Variants in PCDHGA1 observed in about 807,000 individuals in gnomAD.
The protein encoded by PCDHGA1 is protocadherin gamma-A1.
In PCDHGA1, 32 loss-of-function variants were observed where a neutral mutation model predicts 58.0. The ratio of observed to expected loss-of-function variants is 0.55; its 90% confidence interval spans 0.42 to 0.74. The LOEUF (loss-of-function observed/expected upper bound fraction) is 0.74, where lower values mean the gene tolerates loss of function less well. Among genes scored for constraint, PCDHGA1 ranks in the 30% least tolerant of loss-of-function variants. The probability of loss-of-function intolerance (pLI) is 0.00; values close to 1 mark genes in which losing one functional copy is unlikely to be tolerated. For missense variants in PCDHGA1, 1,205 were observed against 1,182.3 expected (o/e 1.02, Z -0.28); for synonymous variants, 498 against 501.1 (o/e 0.99, Z 0.08).
At chr5:141,344,294 G>A (rs769128084) in intron 1 of PCDHGA1, 2 of 1,614,088 alleles carry the variant, frequency 1.2e-6, no homozygotes, top group South Asian at 1.1e-5. Flanking sequence ...TGGTCACCGC[G>A]GAGAGGATAG....
chr5:141,367,849 G>A (rs903459046), intron 1 of PCDHGA1: 3 of 152,008 alleles, frequency 2.0e-5, no homozygotes, highest in Admixed American at 1.3e-4. Flanking sequence ...TGCAATGTTA[G>A]CGTTTCTTTA....
intron 1 of PCDHGA1, chr5:141,370,799 A>G: frequency 6.2e-7 from 1 of 1,614,032 alleles, no homozygotes; most frequent in Non-Finnish European, 8.5e-7. Context: ...CCTTTAGCCA[A>G]AATATCACTG....
chr5:141,332,600 A>G lies in PCDHGA1; in HGVS notation c.1916A>G (p.Lys639Arg), dbSNP rs1165803635. ...ARALLDRDALKQSLVVAVQDH... is the reference protein window; with the variant it reads ...ARALLDRDALRQSLVVAVQDH... ...GCCCTGCTGGACAGAGACGCGCTCA[A>G]GCAGAGTCTCGTGGTGGCCGTCCAG... The change falls in exon 1 of 4, where the codon AAG becomes AGG. Residue 639 changes from lysine (K) to arginine (R), a missense_variant. Lys to Arg is a conservative substitution (Grantham distance 26, BLOSUM62 2). Coordinates refer to ENST00000517417, the MANE Select transcript of PCDHGA1 (RefSeq NM_018912.3). This position sits in a 1 kb window ranked among gnomAD's most constrained non-coding sequence, Gnocchi z 4.6. 1.1e-5 allele frequency: 18 copies of G among 1,612,898 alleles called. No individual in the cohort carries two copies. Among genetic ancestry groups the G allele is most frequent in the Non-Finnish European group, 1.5e-5 (18 of 1,179,860 alleles).
At chr5:141,357,108 C>T (rs1760471015) in intron 1 of PCDHGA1, 15 of 1,613,824 alleles carry the variant, frequency 9.3e-6, no homozygotes, top group Non-Finnish European at 1.3e-5. Flanking sequence ...TGGACAGAGA[C>T]GCGCTCAAGC....
Position 141,477,783 on chromosome 5 carries a change from T to C in PCDHGA1, c.2422-17024T>C. 1 of 1,614,078 alleles carries C rather than the reference T, an allele frequency of 6.2e-7. No individual in the cohort carries two copies. Among genetic ancestry groups the C allele is most frequent in the Non-Finnish European group, 8.5e-7 (1 of 1,180,028 alleles). On this transcript the variant is annotated intron_variant, in intron 1 of 3. Coordinates refer to ENST00000517417, the MANE Select transcript of PCDHGA1 (RefSeq NM_018912.3). The surrounding 1 kb of genome is among the most constrained non-coding windows in gnomAD (Gnocchi z 4.9). ...GCCACCAACATCAGCGTGAACATAT[T>C]TGTCACTGATCGCAATGACAATGCC...
At chr5:141,380,410 C>T (rs1776475585) in intron 1 of PCDHGA1, among the ~76,000 whole-genome samples, 1 of 151,998 alleles carries the variant, frequency 6.6e-6, no homozygotes, top group Non-Finnish European at 1.5e-5. Flanking sequence ...AATTCGATGC[C>T]CAGGAAGCCA....
chr5:141,344,807 T>G (rs764222927), intron 1 of PCDHGA1: 1 of 1,613,960 alleles, frequency 6.2e-7, no homozygotes, highest in South Asian at 1.1e-5. Context: ...TGCCTGTGGG[T>G]ACCCGGCTGC....
chr5:141,351,217 TGGA>T (rs1324886463), intron 1 of PCDHGA1: 1 of 1,613,936 alleles, frequency 6.2e-7, no homozygotes, highest in Admixed American at 1.7e-5. Context: ...AAGCTAAGGA[TGGA>T]GGAGTACACA....
Position 141,403,062 on chromosome 5 carries a change from A to G in PCDHGA1, c.2421+69957A>G, listed in dbSNP as rs780758422. On this transcript the variant is annotated intron_variant, in intron 1 of 3. Transcript: ENST00000517417. ...AGTCAGATTCGCTACTCAGTGCCTG[A>G]AGAGACAGAAAAGGGCTATATTGTG... is the stretch of plus-strand genomic sequence containing the variant. The G allele has an allele frequency of 7.4e-6, 12 of 1,613,964 alleles. 1 individual carries two copies. The South Asian group carries it at 1.1e-4, about 15-fold the overall frequency.
chr5:141,400,630 A>G, intron 1 of PCDHGA1: 8 of 1,394,666 alleles, frequency 5.7e-6, no homozygotes, highest in East Asian at 2.3e-5. Flanking sequence ...TAGGGAAGTC[A>G]GAGCTGCTCA....
rs546302275 is a variant in PCDHGA1, at chr5:141,362,788, CT to C, written c.2421+29685del. Among the ~76,000 whole-genome samples, 614 of 152,314 alleles carry C rather than the reference CT, an allele frequency of 4.0e-3. 6 individuals are homozygous for C. Among genetic ancestry groups the C allele is most frequent in the Admixed American group, 0.011 (171 of 15,302 alleles). On this transcript the variant is annotated intron_variant, in intron 1 of 3. Coordinates refer to ENST00000517417, the MANE Select transcript of PCDHGA1 (RefSeq NM_018912.3). ...GAGATATTGCACTGTATTTCTTTTT[CT>C]TCCTCATCTTTACATTACTTCTCTC...
chr5:141,356,329 G>A (rs1371639512), intron 1 of PCDHGA1: 4 of 1,554,226 alleles, frequency 2.6e-6, no homozygotes, highest in Admixed American at 2.0e-5. Flanking sequence ...CAGTGACTCA[G>A]GAGGAAATGG....
intron 1 of PCDHGA1, among the ~76,000 whole-genome samples, chr5:141,380,299 C>T (rs1776363020): frequency 6.6e-6 from 1 of 152,092 alleles, no homozygotes; most frequent in Non-Finnish European, 1.5e-5. Context: ...ATACCTATAT[C>T]TTTGCTTGAG....
chr5:141,372,007 G>T, intron 1 of PCDHGA1: 3 of 1,613,298 alleles, frequency 1.9e-6, no homozygotes, highest in Non-Finnish European at 2.5e-6. Flanking sequence ...CGCGACCAGG[G>T]CTCGCCTACG....
chr5:141,374,846 C>G, intron 1 of PCDHGA1: 1 of 1,613,842 alleles, frequency 6.2e-7, no homozygotes, highest in Non-Finnish European at 8.5e-7. Context: ...TCCTGAAAAC[C>G]TGCCAGTAGG....
rs1256615029 is a variant in PCDHGA1 at position 141,512,740 on chromosome 5, C to T, written c.*1567C>T. ...GCGGGTGGGCAGCGGGCGGCGGGCT[C>T]CGCGCAGCCGTCTGTCCTTGATCTG... On this transcript the variant is annotated 3_prime_UTR_variant, in exon 4 of 4. Transcript: ENST00000517417. 1 of 152,788 alleles carries T rather than the reference C, an allele frequency of 6.5e-6. No individual in the cohort carries two copies. The highest frequency in any genetic ancestry group is 1.5e-5 in the Non-Finnish European group (1 of 68,570). The allele number at this position is 152,788 out of a possible 1,614,324, so 9.5% of individuals were successfully genotyped here.
intron 1 of PCDHGA1, chr5:141,375,805 C>T: frequency 6.2e-7 from 1 of 1,614,214 alleles, no homozygotes; most frequent in South Asian, 1.1e-5. Flanking sequence ...GTTCCACTGG[C>T]GTGGAGCTGG....
chr5:141,420,934 C>A (rs2096533899), intron 1 of PCDHGA1: 2 of 377,936 alleles, frequency 5.3e-6, no homozygotes, highest in South Asian at 5.3e-5. Flanking sequence ...TGAGCGTAAT[C>A]ATTTCTTCTG....
intron 1 of PCDHGA1, chr5:141,468,632 C>G (rs1385644482): frequency 6.6e-6 from 1 of 151,628 alleles, no homozygotes; most frequent in Non-Finnish European, 1.5e-5. Context: ...TTTGGGAGGC[C>G]GAGGTGGGCG....
Sources: gnomAD v4.1 joint callset for allele counts (sites outside exome capture counted in the v4.1 genomes callset) on GRCh38, gnomAD v4.1.1 for gene constraint, Gnocchi (gnomAD v3.1) non-coding constraint, MANE v1.5 for transcripts, NCBI Gene and HGNC (gene_info 2026-07-23, HGNC 2026-07-21) for gene names.